Variants in CCDC102B observed in about 807,000 individuals in gnomAD.
CCDC102B encodes coiled-coil domain containing 102B, also known as coiled-coil domain-containing protein 102B.
CCDC102B carries 75 observed loss-of-function variants against 57.4 expected under a neutral mutation model. The observed-to-expected ratio is 1.31, with a 90% CI of 1.08 to 1.58. The LOEUF (loss-of-function observed/expected upper bound fraction) is 1.58, where lower values mean the gene tolerates loss of function less well. Among genes scored for constraint, CCDC102B ranks in the 40% most tolerant of loss-of-function variants. The probability of loss-of-function intolerance (pLI) is 0.00; values close to 1 mark genes in which losing one functional copy is unlikely to be tolerated. For synonymous variants in CCDC102B, 206 were observed against 201.9 expected (o/e 1.02, Z -0.17); for missense variants, 636 against 582.6 (o/e 1.09, Z -0.94).
chr18:69,041,592 A>G (rs967289302), intron 7 of CCDC102B, among the ~76,000 whole-genome samples: 11 of 152,086 alleles, frequency 7.2e-5, no homozygotes, highest in African/African-American at 2.7e-4. Flanking sequence ...ACTCCTTTAT[A>G]TGCCCCCAGG....
At chr18:68,802,124 A>C (rs552257557) in intron 1 of CCDC102B, among the ~76,000 whole-genome samples, 1 of 151,016 alleles carries the variant, frequency 6.6e-6, no homozygotes, top group South Asian at 2.1e-4. Context: ...TAATTCTAGA[A>C]GGTTCTGGTT....
intron 7 of CCDC102B, among the ~76,000 whole-genome samples, chr18:69,051,966 G>A (rs1412099381): frequency 6.6e-6 from 1 of 151,440 alleles, no homozygotes; most frequent in Non-Finnish European, 1.5e-5. Flanking sequence ...TTCTATAGTT[G>A]AAGTACAAGT....
At chr18:69,014,044 C>T (rs2051593446) in intron 7 of CCDC102B, among the ~76,000 whole-genome samples, 2 of 151,978 alleles carry the variant, frequency 1.3e-5, no homozygotes, top group Non-Finnish European at 2.9e-5. Context: ...TCTACCAGAA[C>T]ATCTTCTATT....
chr18:68,826,199 T>C (rs550777202), intron 1 of CCDC102B, among the ~76,000 whole-genome samples: 1 of 152,232 alleles, frequency 6.6e-6, no homozygotes, highest in East Asian at 1.9e-4. Context: ...TGTGGCTTAA[T>C]TGAATCCTCT....
chr18:68,735,200 C>T (rs931220574), intron 2 of CCDC102B, among the ~76,000 whole-genome samples: 8 of 145,998 alleles, frequency 5.5e-5, no homozygotes, highest in Non-Finnish European at 1.0e-4. Flanking sequence ...TACAGGCGTG[C>T]GCCACCACAC....
At chr18:68,875,931 G>A (rs911468937) in intron 5 of CCDC102B, among the ~76,000 whole-genome samples, 8 of 152,062 alleles carry the variant, frequency 5.3e-5, no homozygotes, top group Admixed American at 2.0e-4. Flanking sequence ...CCTAAAAGGG[G>A]TGTTGGGGTG....
At chr18:68,988,278 C>T (rs2050775190) in intron 6 of CCDC102B, among the ~76,000 whole-genome samples, 2 of 151,968 alleles carry the variant, frequency 1.3e-5, no homozygotes, top group African/African-American at 4.8e-5. Flanking sequence ...TCACCCTAAG[C>T]AAATTAACAC....
intron 4 of CCDC102B, among the ~76,000 whole-genome samples, chr18:68,857,373 A>AT (rs2038523339): frequency 2.7e-5 from 3 of 111,506 alleles, no homozygotes; most frequent in Non-Finnish European, 5.2e-5. Flanking sequence ...TTATTTCTAT[A>AT]TATAAATATA....
At chr18:68,801,898 A>C (rs2035866914) in intron 1 of CCDC102B, among the ~76,000 whole-genome samples, 1 of 152,182 alleles carries the variant, frequency 6.6e-6, no homozygotes, top group Non-Finnish European at 1.5e-5. Flanking sequence ...CCTCTGCAAA[A>C]GATCAAATAG....
chr18:68,755,304 C>T (rs891799325), intron 2 of CCDC102B, among the ~76,000 whole-genome samples: 1 of 152,120 alleles, frequency 6.6e-6, no homozygotes, highest in African/African-American at 2.4e-5. Context: ...TCTAATTCAT[C>T]ATTATTTAGC....
Position 68,848,560 on chromosome 18 carries a change from A to T in CCDC102B, c.936+2139A>T, listed in dbSNP as rs78300123. On this transcript the variant is annotated intron_variant, in intron 4 of 7. Coordinates refer to ENST00000360242, the MANE Select transcript of CCDC102B (RefSeq NM_024781.3). ...CTGACACATATAGAGAAGAGAAAAG[A>T]TAAGAATTTAATTGTAAAATCTAAG... is the stretch of plus-strand genomic sequence containing the variant. Among the ~76,000 whole-genome samples, 135 of 152,182 alleles carry T rather than the reference A, an allele frequency of 8.9e-4. 3 individuals are homozygous for T. In the South Asian group the frequency reaches 0.023, roughly 25 times the overall value.
chr18:69,038,364 C>T (rs2052349179), intron 7 of CCDC102B, among the ~76,000 whole-genome samples: 1 of 151,684 alleles, frequency 6.6e-6, no homozygotes, highest in Non-Finnish European at 1.5e-5. Context: ...TTGTGTGTTT[C>T]TGATATTATT....
intron 4 of CCDC102B, among the ~76,000 whole-genome samples, chr18:68,872,388 A>T (rs2039273427): frequency 1.3e-5 from 2 of 152,202 alleles, no homozygotes; most frequent in African/African-American, 4.8e-5. Context: ...ACACTCCAGT[A>T]TTAAACTCTA....
intron 4 of CCDC102B, among the ~76,000 whole-genome samples, chr18:68,870,770 A>G (rs768009125): frequency 2.0e-5 from 3 of 152,186 alleles, no homozygotes; most frequent in Non-Finnish European, 4.4e-5. Flanking sequence ...TGACTTCAAT[A>G]TTTGGTGCAT....
intron 6 of CCDC102B, among the ~76,000 whole-genome samples, chr18:68,996,166 A>G (rs548400207): frequency 6.6e-6 from 1 of 152,306 alleles, no homozygotes; most frequent in South Asian, 2.1e-4. Flanking sequence ...ACCCACCTAC[A>G]ATCAGGGTGG....
chr18:68,963,527 A>T (rs1292457771), intron 6 of CCDC102B, among the ~76,000 whole-genome samples: 1 of 151,874 alleles, frequency 6.6e-6, no homozygotes, highest in Non-Finnish European at 1.5e-5. Flanking sequence ...GTGTTAATTA[A>T]ACAGTATATT....
At chr18:68,772,236 C>CT (rs916794236) in intron 2 of CCDC102B, among the ~76,000 whole-genome samples, 4 of 151,248 alleles carry the variant, frequency 2.6e-5, no homozygotes, top group Admixed American at 1.3e-4. Context: ...AACACAATGA[C>CT]TTTTTTTTTA....
In CCDC102B at chr18:68,840,267, A is replaced by G. The variant is rs542753833; in HGVS notation, c.827+1341A>G. Among the ~76,000 whole-genome samples, 10 of 152,312 alleles carry G rather than the reference A, an allele frequency of 6.6e-5. No individual in the cohort carries two copies. In the East Asian group the frequency reaches 1.7e-3, roughly 26 times the overall value. On this transcript the variant is annotated intron_variant, in intron 3 of 7. Transcript: ENST00000360242. ...TATACACACAATGTATTATATAAGTATATATTATATAACAGTTTTAATTTT... is the reference window on the plus strand; with the variant it reads ...TATACACACAATGTATTATATAAGTGTATATTATATAACAGTTTTAATTTT...
chr18:68,853,646 C>T (rs571501608), intron 4 of CCDC102B, among the ~76,000 whole-genome samples: 6 of 124,862 alleles, frequency 4.8e-5, no homozygotes, highest in South Asian at 5.2e-4. Flanking sequence ...TACTTTTATT[C>T]CGAATTTTTC....
Sources: allele counts gnomAD v4.1 joint callset (sites outside exome capture counted in the v4.1 genomes callset), GRCh38; gene constraint gnomAD v4.1.1; transcripts MANE v1.5; gene names NCBI Gene and HGNC (gene_info 2026-07-23, HGNC 2026-07-21).